KCNQ1: variants seen among roughly 807,000 people sequenced by gnomAD.
KCNQ1 encodes the protein potassium voltage-gated channel subfamily KQT member 1.
Under a neutral mutation model 72.4 loss-of-function variants are expected in KCNQ1, and 49 were observed. That is an observed-to-expected ratio of 0.68 (90% CI 0.54 to 0.86). The LOEUF is 0.86. KCNQ1 is among the 40% of genes least tolerant of loss of function. The pLI, the probability that KCNQ1 is intolerant of heterozygous loss-of-function variation, is 0.00. For synonymous variants in KCNQ1, 450 were observed against 412.6 expected (o/e 1.09, Z -1.10); for missense variants, 790 against 945.1 (o/e 0.84, Z 2.15).
chr11:2,455,024 T>A (rs758157087), intron 1 of KCNQ1, among the ~76,000 whole-genome samples: 1 of 151,720 alleles, frequency 6.6e-6, no homozygotes, highest in Non-Finnish European at 1.5e-5. Flanking sequence ...TAGAAAACCC[T>A]AAAGAGTCTG....
intron 2 of KCNQ1, among the ~76,000 whole-genome samples, chr11:2,539,432 C>A (rs1847788322): frequency 6.6e-6 from 1 of 152,242 alleles, no homozygotes; most frequent in African/African-American, 2.4e-5. Context: ...TAGGCAGGCG[C>A]TGGCATCTTA....
rs1013006361 is a variant in KCNQ1, at chr11:2,450,481, G to A, written c.386+4997G>A. ...AGACCCCAAGGATTTGGTTACAGAGGGGAGGGCGGCAGCGTCTGGCTTCAC... is the reference window on the plus strand; with the variant it reads ...AGACCCCAAGGATTTGGTTACAGAGAGGAGGGCGGCAGCGTCTGGCTTCAC... On this transcript the variant is annotated intron_variant, in intron 1 of 15. Transcript: ENST00000155840. This position sits in a 1 kb window ranked among gnomAD's most constrained non-coding sequence, Gnocchi z 7.9. Among the ~76,000 whole-genome samples the A allele has an allele frequency of 6.6e-6, 1 of 152,166 alleles. No homozygotes were observed. The highest frequency in any genetic ancestry group is 1.5e-5 in the Non-Finnish European group (1 of 68,034).
intron 2 of KCNQ1, among the ~76,000 whole-genome samples, chr11:2,558,366 C>A (rs1168457717): frequency 6.6e-6 from 1 of 152,258 alleles, no homozygotes; most frequent in Non-Finnish European, 1.5e-5. Flanking sequence ...TTCAGTGCGT[C>A]CTGGGTTCTC....
intron 10 of KCNQ1, chr11:2,629,080 T>G: frequency 5.0e-6 from 2 of 398,282 alleles, no homozygotes. Flanking sequence ...TAAGGTCTTT[T>G]GTAGTTTCTT....
chr11:2,587,015 C>T (rs1012863705), intron 8 of KCNQ1, among the ~76,000 whole-genome samples: 10 of 152,140 alleles, frequency 6.6e-5, no homozygotes, highest in African/African-American at 1.7e-4. Context: ...TTCAGAGCTG[C>T]ACCCATGTGC....
chr11:2,512,241 C>T (rs374901917), intron 1 of KCNQ1, among the ~76,000 whole-genome samples: 4 of 152,328 alleles, frequency 2.6e-5, no homozygotes, highest in African/African-American at 9.6e-5. Context: ...CTTCCCTGGA[C>T]TCAGGGCCCT....
At position 2,803,344 on chromosome 11, in the gene KCNQ1, G is replaced by T. The variant is rs889366163; in HGVS notation, c.1794+25307G>T. Among the ~76,000 whole-genome samples, 1 of 152,212 alleles carries T rather than the reference G, an allele frequency of 6.6e-6. No individual in the cohort carries two copies. The highest frequency in any genetic ancestry group is 2.1e-4 in the South Asian group (1 of 4,828). On this transcript the variant is annotated intron_variant, in intron 15 of 15. Coordinates refer to ENST00000155840, the MANE Select transcript of KCNQ1 (RefSeq NM_000218.3). This position sits in a 1 kb window ranked among gnomAD's most constrained non-coding sequence, Gnocchi z 6.4. The stretch of plus-strand genomic sequence containing the variant: ...GTCAGCCTGGACGGTGGCAGGACTC[G>T]GCGAGGTGGGGATGGGGCTTGGAGG...
intron 15 of KCNQ1, among the ~76,000 whole-genome samples, chr11:2,814,660 G>T (rs996475462): frequency 6.8e-6 from 1 of 146,420 alleles, no homozygotes; most frequent in African/African-American, 2.5e-5. Context: ...GGAAGGAAGG[G>T]TGGAGGTAAG....
At chr11:2,662,639 A>G (rs1333237506) in intron 11 of KCNQ1, 1 of 409,282 alleles carries the variant, frequency 2.4e-6, no homozygotes, top group African/African-American at 2.0e-5. Context: ...GTGCCCGGCC[A>G]CGGTGTGATT....
In KCNQ1 at chr11:2,516,488, C is replaced by T. The variant is rs1357718112; in HGVS notation, c.387-11440C>T. Among the ~76,000 whole-genome samples the T allele has an allele frequency of 6.6e-6, 1 of 152,118 alleles. No homozygotes were observed. The highest frequency in any genetic ancestry group is 2.4e-5 in the African/African-American group (1 of 41,426). ...AATCTCCGGGCTCAAAATTGGCCCC[C>T]AGAAAGCCTTTGAGATGGACAGGGA... On this transcript the variant is annotated intron_variant, in intron 1 of 15. Coordinates refer to ENST00000155840, the MANE Select transcript of KCNQ1 (RefSeq NM_000218.3). This position sits in a 1 kb window ranked among gnomAD's most constrained non-coding sequence, Gnocchi z 7.0.
rs1847286116 is a variant in KCNQ1 at position 2,516,194 on chromosome 11, C to T, written c.387-11734C>T. 6.6e-6 allele frequency among the ~76,000 whole-genome samples: 1 copy of T among 152,054 alleles called. No homozygotes were observed. The highest frequency in any genetic ancestry group is 1.5e-5 in the Non-Finnish European group (1 of 68,026). ...GGGAGACCCGGAGTCCAGTTCTCGCCAACCGCTCGATGCTGTGTGACTTGA... is the reference window on the plus strand; with the variant it reads ...GGGAGACCCGGAGTCCAGTTCTCGCTAACCGCTCGATGCTGTGTGACTTGA... On this transcript the variant is annotated intron_variant, in intron 1 of 15. Transcript: ENST00000155840. The surrounding 1 kb of genome is among the most constrained non-coding windows in gnomAD (Gnocchi z 7.0).
intron 6 of KCNQ1, among the ~76,000 whole-genome samples, chr11:2,578,776 T>C (rs772808906): frequency 9.9e-5 from 15 of 152,236 alleles, no homozygotes; most frequent in Non-Finnish European, 1.9e-4. Flanking sequence ...CTCTCGAGGC[T>C]GGGCAAGGTC....
intron 1 of KCNQ1, among the ~76,000 whole-genome samples, chr11:2,472,931 C>T (rs1163939915): frequency 6.6e-6 from 1 of 152,016 alleles, no homozygotes; most frequent in African/African-American, 2.4e-5. Context: ...CCCCCCATCA[C>T]CCCAGCACCG....
chr11:2,561,739 C>T (rs566791187), intron 2 of KCNQ1, among the ~76,000 whole-genome samples: 21 of 152,320 alleles, frequency 1.4e-4, no homozygotes, highest in Admixed American at 1.1e-3. Flanking sequence ...GCCAAGGTAG[C>T]GGGTCCCCCC....
intron 10 of KCNQ1, chr11:2,631,329 T>C (rs999236566): frequency 2.5e-5 from 10 of 398,480 alleles, no homozygotes; most frequent in Non-Finnish European, 4.0e-5. Context: ...TATCCTCCAG[T>C]TGATGAATTC....
At chr11:2,528,377 G>C (rs1331613350) in intron 2 of KCNQ1, among the ~76,000 whole-genome samples, 1 of 152,238 alleles carries the variant, frequency 6.6e-6, no homozygotes, top group Non-Finnish European at 1.5e-5. Context: ...GGGTCTGGGT[G>C]ACTCTGTTCC....
At chr11:2,636,489 A>G (rs1435111343) in intron 10 of KCNQ1, 1 of 152,190 alleles carries the variant, frequency 6.6e-6, no homozygotes, top group African/African-American at 2.4e-5. Context: ...GATAATGTTT[A>G]TTGATTTGCA....
chr11:2,697,780 A>T (rs953245160), intron 11 of KCNQ1: 4 of 398,508 alleles, frequency 1.0e-5, no homozygotes, highest in Non-Finnish European at 1.8e-5. Context: ...AGCATTGTAC[A>T]AGGAACTTCT....
chr11:2,659,704 A>AT lies in KCNQ1; in HGVS notation c.1394-2255dup, dbSNP rs1387957197. 1 of 398,538 alleles carries AT rather than the reference A, an allele frequency of 2.5e-6. No homozygotes were observed. The highest frequency in any genetic ancestry group is 3.6e-5 in the East Asian group (1 of 28,042). 24.7% of individuals were successfully genotyped at this position (398,538 alleles called of 1,614,324 possible). On this transcript the variant is annotated intron_variant, in intron 10 of 15. Transcript: ENST00000155840. The surrounding 1 kb of genome is among the most constrained non-coding windows in gnomAD (Gnocchi z 4.3). ...TCCTAAAGTCACTGTGCCATTTTGCATTCCCACCAGTAACATATGAGAGTT... is the reference window on the plus strand; with the variant it reads ...TCCTAAAGTCACTGTGCCATTTTGCATTTCCCACCAGTAACATATGAGAGTT...
Sources: allele counts gnomAD v4.1 joint callset (sites outside exome capture counted in the v4.1 genomes callset), GRCh38; gene constraint gnomAD v4.1.1; non-coding constraint Gnocchi (gnomAD v3.1); transcripts MANE v1.5; gene names NCBI Gene and HGNC (gene_info 2026-07-23, HGNC 2026-07-21).